Variants in DGKH observed in about 807,000 individuals in gnomAD.
DGKH encodes diacylglycerol kinase eta, also known as DAG kinase eta.
In DGKH, 90 loss-of-function variants were observed where a neutral mutation model predicts 159.3. The ratio of observed to expected loss-of-function variants is 0.57; its 90% CI spans 0.48 to 0.67. The LOEUF (loss-of-function observed/expected upper bound fraction) is 0.67, where lower values mean the gene tolerates loss of function less well. Ranked by LOEUF, DGKH falls within the 30% of genes least tolerant of loss-of-function variation. The pLI is 0.00. For synonymous variants in DGKH, 536 were observed against 553.8 expected (o/e 0.97, Z 0.45); for missense variants, 1,181 against 1,506.1 (o/e 0.78, Z 3.57).
chr13:42,049,390 C>T (rs1881091679), intron 1 of DGKH, among the ~76,000 whole-genome samples: 1 of 152,204 alleles, frequency 6.6e-6, no homozygotes, highest in African/African-American at 2.4e-5. Context: ...AGGAGAGTTT[C>T]AATTTTTCTT....
At chr13:42,093,306 A>T (rs1009146701) in intron 1 of DGKH, among the ~76,000 whole-genome samples, 1 of 152,064 alleles carries the variant, frequency 6.6e-6, no homozygotes, top group African/African-American at 2.4e-5. Flanking sequence ...CAAAACTACG[A>T]TGAGATACCA....
rs9566945 is a variant in DGKH at position 42,238,726 on chromosome 13, A to T, written c.*9538A>T. On this transcript the variant is annotated 3_prime_UTR_variant, in exon 30 of 30. Coordinates refer to ENST00000337343, the MANE Select transcript of DGKH (RefSeq NM_178009.5). ...AACTAAACTAGAGATTGTCTTTATTAATTAATGGAACTCTGGGTATGATTA... is the reference window on the plus strand; with the variant it reads ...AACTAAACTAGAGATTGTCTTTATTTATTAATGGAACTCTGGGTATGATTA... 47 of 152,298 alleles carry T rather than the reference A, an allele frequency of 3.1e-4. No homozygotes were observed. In the East Asian group the frequency reaches 8.9e-3, roughly 29 times the overall value. The allele number at this position is 152,298 out of a possible 1,614,324, so 9.4% of individuals were successfully genotyped here.
chr13:42,204,819 A>G (rs1330835068), intron 20 of DGKH, among the ~76,000 whole-genome samples: 1 of 152,076 alleles, frequency 6.6e-6, no homozygotes, highest in Admixed American at 6.6e-5. Flanking sequence ...AAATATTGGT[A>G]CTCTTGACAT....
In DGKH at chr13:42,173,958, T is replaced by TGC. The variant is rs1566158059; in HGVS notation, c.1368-100_1368-99dup. ...GTTCATGAATGTGTGTGTGTGTGTG[T>TGC]GCGTGCGTGTGTGTGTGTGTGTGTG... is the stretch of plus-strand genomic sequence containing the variant. On this transcript the variant is annotated intron_variant, in intron 11 of 29. Transcript: ENST00000337343. The TGC allele has an allele frequency of 1.8e-5, 12 of 672,214 alleles. No homozygotes were observed. In the Admixed American group the frequency reaches 1.8e-4, roughly 10 times the overall value. The allele number at this position is 672,214 out of a possible 1,614,324, so 41.6% of individuals were successfully genotyped here.
chr13:42,116,244 AT>A (rs1954966510), intron 1 of DGKH, among the ~76,000 whole-genome samples: 1 of 152,222 alleles, frequency 6.6e-6, no homozygotes, highest in Admixed American at 6.5e-5. Context: ...CTTTCCTGGA[AT>A]TTATATGACA....
At chr13:42,217,346 T>C (rs560987839) in intron 26 of DGKH, among the ~76,000 whole-genome samples, 106 of 152,156 alleles carry the variant, frequency 7.0e-4, no homozygotes, top group Non-Finnish European at 1.1e-3. Flanking sequence ...TTCCAAGTGA[T>C]TCTCCTGCCT....
chr13:42,229,101 T>C lies in DGKH; in HGVS notation c.3576T>C (p.Asp1192=), dbSNP rs759044550. ...CTTTTTCTGTTCTTTTATTTTAGGA[T>C]CTGGGGATACCGAAAGTGGGTCATG... ...LLHLERRDLK[D]LGIPKVGHVK... The change falls in exon 30 of 30, where the codon GAT becomes GAC. Residue 1192 remains aspartate, a splice_region_variant and synonymous_variant. Transcript: ENST00000337343. 6.2e-7 allele frequency: 1 copy of C among 1,609,654 alleles called. No individual in the cohort carries two copies. Among genetic ancestry groups the C allele is most frequent in the South Asian group, 1.1e-5 (1 of 89,822 alleles).
At chr13:42,071,576 G>A (rs1388831427) in intron 1 of DGKH, among the ~76,000 whole-genome samples, 1 of 152,224 alleles carries the variant, frequency 6.6e-6, no homozygotes, top group Non-Finnish European at 1.5e-5. Context: ...CACTATTTGC[G>A]TTTTGCTTCT....
Position 42,198,472 on chromosome 13 carries a change from T to C in DGKH, c.2168-6T>C, listed in dbSNP as rs745613463. 41 of 1,611,674 alleles carry C rather than the reference T, an allele frequency of 2.5e-5. No homozygotes were observed. The highest frequency in any genetic ancestry group is 3.4e-5 in the Non-Finnish European group (40 of 1,179,060). Reference sequence around the variant, plus strand: ...CGATCCCATATGTGTTTGCTTTTCTTTCCAGGTTTAAGAGCAGGACTGGCT... The same window carrying C: ...CGATCCCATATGTGTTTGCTTTTCTCTCCAGGTTTAAGAGCAGGACTGGCT... On this transcript the variant is annotated splice_polypyrimidine_tract_variant and splice_region_variant and intron_variant, in intron 17 of 29. Coordinates refer to ENST00000337343, the MANE Select transcript of DGKH (RefSeq NM_178009.5).
chr13:42,208,971 C>T lies in DGKH; in HGVS notation c.2614C>T (p.Pro872Ser). ...GTKEDDIFAA[P>S]SFDDKILEVV... ...GTTTTTCTTTCAGATATTTGCTGCA[C>T]CATCCTTTGATGACAAGATCCTGGA... Residue 872 changes from proline to serine, a missense_variant, in exon 22 of 30, where the codon CCA becomes TCA. Pro to Ser is a moderately conservative substitution (Grantham distance 74). This residue lies in a region of DGKH where 335 missense variants were observed against 495.2 expected (regional missense o/e 0.68). Coordinates refer to ENST00000337343, the MANE Select transcript of DGKH (RefSeq NM_178009.5). 1 of 1,610,844 alleles carries T rather than the reference C, an allele frequency of 6.2e-7. No individual in the cohort carries two copies. The highest frequency in any genetic ancestry group is 8.5e-7 in the Non-Finnish European group (1 of 1,178,478).
At position 42,241,916 on chromosome 13, in the gene DGKH, G is replaced by A. The variant is rs1255810359; in HGVS notation, c.*12728G>A. 1.3e-5 allele frequency: 2 copies of A among 152,132 alleles called. No individual in the cohort carries two copies. Among genetic ancestry groups the A allele is most frequent in the African/African-American group, 4.8e-5 (2 of 41,422 alleles). The allele number at this position is 152,132 out of a possible 1,614,324, so 9.4% of individuals were successfully genotyped here. A position where few individuals can be genotyped will look rare whatever the true frequency, so the allele number is the denominator to read the frequency against. ...GTTCCTTCATGAGAAGGAAAAAACT[G>A]TATCTTTATTGTCAGTAAGTGTGGA... On this transcript the variant is annotated 3_prime_UTR_variant, in exon 30 of 30. Coordinates refer to ENST00000337343, the MANE Select transcript of DGKH (RefSeq NM_178009.5).
Position 42,091,029 on chromosome 13 carries a change from G to A in DGKH, c.193-36434G>A, listed in dbSNP as rs897432806. On this transcript the variant is annotated intron_variant, in intron 1 of 29. Coordinates refer to ENST00000337343, the MANE Select transcript of DGKH (RefSeq NM_178009.5). Reference sequence around the variant, plus strand: ...GTGACTTGATCATGGACTTCCCAGCGTTCAGAACTGTGAGAAATACATTTC... The same window carrying A: ...GTGACTTGATCATGGACTTCCCAGCATTCAGAACTGTGAGAAATACATTTC... Among the ~76,000 whole-genome samples the A allele has an allele frequency of 3.9e-5, 6 of 152,098 alleles. No homozygotes were observed. The South Asian group carries it at 1.0e-3, about 26-fold the overall frequency.
At chr13:42,173,987 G>GCC in intron 11 of DGKH, 73 bp from the exon 12 acceptor site, 1 of 1,026,244 alleles carries the variant, frequency 9.7e-7, no homozygotes, top group Non-Finnish European at 1.5e-6. Flanking sequence ...GTGTGTGCGC[G>GCC]TTTATGAGAT....
chr13:42,183,806 TA>T (rs1157083990), intron 13 of DGKH, among the ~76,000 whole-genome samples: 1 of 152,234 alleles, frequency 6.6e-6, no homozygotes, highest in Admixed American at 6.5e-5. Flanking sequence ...AAACAGTTAT[TA>T]AATAAGTTGT....
At chr13:42,102,155 A>C (rs1158269596) in intron 1 of DGKH, among the ~76,000 whole-genome samples, 1 of 152,214 alleles carries the variant, frequency 6.6e-6, no homozygotes, top group Non-Finnish European at 1.5e-5. Context: ...AGGGAGTTGC[A>C]AGGAGACTGC....
At chr13:42,221,050 A>C (rs1957957202) in intron 28 of DGKH, 1 of 496,190 alleles carries the variant, frequency 2.0e-6, no homozygotes, top group Non-Finnish European at 3.4e-6. Context: ...GGTGCACGGC[A>C]GCAAATGGTT....
intron 9 of DGKH, 86 bp from the exon 10 acceptor site, chr13:42,168,354 A>G: frequency 8.8e-7 from 1 of 1,138,880 alleles, no homozygotes. Context: ...TTTAATCTGA[A>G]TATGAATACT....
intron 24 of DGKH, among the ~76,000 whole-genome samples, chr13:42,212,127 C>G (rs898349748): frequency 1.3e-5 from 2 of 152,166 alleles, no homozygotes; most frequent in Non-Finnish European, 2.9e-5. Context: ...GAAAGCAAAG[C>G]TCAGTGGTTT....
At chr13:42,092,569 G>GA (rs1954440840) in intron 1 of DGKH, among the ~76,000 whole-genome samples, 1 of 152,158 alleles carries the variant, frequency 6.6e-6, no homozygotes, top group Non-Finnish European at 1.5e-5. Flanking sequence ...ATAGAGAGTG[G>GA]AATGGTGGTT....
Sources: allele counts gnomAD v4.1 joint callset (sites outside exome capture counted in the v4.1 genomes callset), GRCh38; gene constraint gnomAD v4.1.1; regional missense constraint gnomAD v4.1.1; transcripts MANE v1.5; gene names NCBI Gene and HGNC (gene_info 2026-07-23, HGNC 2026-07-21).